Variants in PHLDB3 observed in about 807,000 individuals in gnomAD.
PHLDB3 encodes pleckstrin homology like domain family B member 3, also known as pleckstrin homology-like domain family B member 3.
PHLDB3 carries 86 observed loss-of-function variants against 85.7 expected under a neutral mutation model. The ratio of observed to expected loss-of-function variants is 1.00; its 90% CI spans 0.84 to 1.20. The LOEUF is 1.20. Ranked by LOEUF, PHLDB3 falls within the 50% of genes most tolerant of loss-of-function variation. The probability of loss-of-function intolerance (pLI) is 0.00; values close to 1 mark genes in which losing one functional copy is unlikely to be tolerated. For missense variants in PHLDB3, 995 were observed against 873.0 expected, an observed-to-expected ratio of 1.14 and a Z score of -1.76; for synonymous variants, 376 against 349.8, an observed-to-expected ratio of 1.07 and a Z score of -0.83.
intron 15 of PHLDB3, among the ~76,000 whole-genome samples, chr19:43,476,301 C>G (rs962250980): frequency 6.6e-5 from 10 of 152,266 alleles, no homozygotes; most frequent in Admixed American, 6.5e-4. Context: ...TTTTAGCCCT[C>G]TCAATAACCC....
chr19:43,479,153 T>C (rs1206112642), intron 14 of PHLDB3, among the ~76,000 whole-genome samples: 1 of 151,900 alleles, frequency 6.6e-6, no homozygotes, highest in African/African-American at 2.4e-5. Context: ...GAATTCTGGG[T>C]GGCTTAAAGA....
rs1422538790 is a variant in PHLDB3, at chr19:43,490,216, A to G, written c.1150-3093T>C. Among the ~76,000 whole-genome samples, 4 of 152,028 alleles carry G rather than the reference A, an allele frequency of 2.6e-5. No homozygotes were observed. The East Asian group carries it at 7.7e-4, about 29-fold the overall frequency. On this transcript the variant is annotated intron_variant, in intron 9 of 15. Coordinates refer to ENST00000292140, the MANE Select transcript of PHLDB3 (RefSeq NM_198850.4). ...GGTTGTGTAAGAGAATGGGCTTGAC[A>G]TTAGGTAGTAAATTTAGGAATATTT...
chr19:43,501,470 C>T, intron 4 of PHLDB3: 2 of 587,196 alleles, frequency 3.4e-6, no homozygotes, highest in African/African-American at 1.9e-5. Context: ...CAGGCGTGAG[C>T]CACTGCTTCC....
At chr19:43,478,663 C>G (rs1033066806) in intron 14 of PHLDB3, among the ~76,000 whole-genome samples, 1 of 152,114 alleles carries the variant, frequency 6.6e-6, no homozygotes, top group East Asian at 1.9e-4. Flanking sequence ...AGCCTGTAAT[C>G]CCAGCACTTT....
intron 9 of PHLDB3, among the ~76,000 whole-genome samples, chr19:43,493,431 T>C (rs547510453): frequency 1.3e-5 from 2 of 151,770 alleles, no homozygotes; most frequent in South Asian, 4.2e-4. Context: ...AGCCTAAGGG[T>C]TCAAGACCAG....
At chr19:43,487,316 T>C (rs1052403714) in intron 9 of PHLDB3, among the ~76,000 whole-genome samples, 193 bp from the exon 10 acceptor site, 2 of 152,122 alleles carry the variant, frequency 1.3e-5, no homozygotes, top group African/African-American at 4.8e-5. Context: ...GGCTTATGCC[T>C]GTAATCCCAG....
At chr19:43,494,636 T>C in intron 9 of PHLDB3, 66 bp downstream of exon 9, 3 of 1,310,128 alleles carry the variant, frequency 2.3e-6, no homozygotes, top group Non-Finnish European at 3.2e-6. Context: ...GGGACTCTGC[T>C]GTTAGCCCCT....
chr19:43,494,428 A>G (rs1261679686), intron 9 of PHLDB3, among the ~76,000 whole-genome samples: 2 of 152,044 alleles, frequency 1.3e-5, no homozygotes, highest in African/African-American at 2.4e-5. Flanking sequence ...CCTTATTAAA[A>G]TATGCTGTTT....
At chr19:43,485,502 C>A (rs966504461) in intron 13 of PHLDB3, among the ~76,000 whole-genome samples, 1 of 151,578 alleles carries the variant, frequency 6.6e-6, no homozygotes, top group Non-Finnish European at 1.5e-5. Flanking sequence ...TGAGCCACTG[C>A]GCCCGGCCTA....
chr19:43,496,916 T>A, intron 6 of PHLDB3: 1 of 798,156 alleles, frequency 1.3e-6, no homozygotes, highest in Non-Finnish European at 1.7e-6. Context: ...AAGTTTGTTG[T>A]AAGGATTCAG....
Position 43,479,480 on chromosome 19 carries a change from G to C in PHLDB3, c.1599C>G (p.Cys533Trp). The change falls in exon 14 of 16, where the codon TGC (cysteine) becomes TGG (tryptophan). Residue 533 changes from cysteine to tryptophan, a missense_variant. Transcript: ENST00000292140. ...TCTTCACCAGGGGTCCACGGCAGCA[G>C]CACCCAGACACCTGCACATGTGGGC... ...ENCPHVQVSG[C>W]CCRGPLVKMG... 6.5e-7 allele frequency: 1 copy of C among 1,527,224 alleles called. No individual in the cohort carries two copies. The highest frequency in any genetic ancestry group is 1.4e-5 in the African/African-American group (1 of 72,274). 94.6% of individuals were successfully genotyped at this position (1,527,224 alleles called of 1,614,324 possible).
At chr19:43,495,935 GACA>G in intron 6 of PHLDB3, 1 of 243,604 alleles carries the variant, frequency 4.1e-6, no homozygotes, top group Non-Finnish European at 7.8e-6. Context: ...GACAAGTAGA[GACA>G]ACCCGAGACG....
intron 13 of PHLDB3, 109 bp from the exon 14 acceptor site, chr19:43,479,702 G>A: frequency 1.4e-6 from 1 of 704,074 alleles, no homozygotes; most frequent in Admixed American, 2.4e-5. Context: ...GCCCGCTACA[G>A]CCTTTAGAGG....
chr19:43,495,621 C>G lies in PHLDB3; in HGVS notation c.826-1G>C, dbSNP rs1298277372. On this transcript the variant is annotated splice_acceptor_variant, in intron 6 of 15. Transcript: ENST00000292140. LOFTEE classifies it high-confidence loss of function. ...GGATCCGGTGCTGCAGAGCACCCCT[C>G]TGTCCCGGTTACTCATCTGTCACGG... 10 of 1,606,992 alleles carry G rather than the reference C, an allele frequency of 6.2e-6. No homozygotes were observed. The highest frequency in any genetic ancestry group is 1.3e-5 in the African/African-American group (1 of 74,730).
rs1211883004 is a variant in PHLDB3 at position 43,495,589 on chromosome 19, A to G, written c.857T>C (p.Leu286Pro). Residue 286 changes from leucine (L) to proline (P), a missense_variant, in exon 7 of 16, where the codon CTG becomes CCG. Transcript: ENST00000292140. ...RGALQHRIRV[L>P]EEQLKSLGEQ... ...CCCCAGTGACTTGAGCTGCTCTTCC[A>G]GGACCCGGATCCGGTGCTGCAGAGC... 1 of 1,610,452 alleles carries G rather than the reference A, an allele frequency of 6.2e-7. No homozygotes were observed. The highest frequency in any genetic ancestry group is 1.7e-4 in the Middle Eastern group (1 of 6,060).
Position 43,500,920 on chromosome 19 carries a change from ACCC to A in PHLDB3, c.534+811_534+813del, listed in dbSNP as rs1179130177. 1.5e-3 allele frequency among the ~76,000 whole-genome samples: 30 copies of A among 20,212 alleles called. 4 individuals carry two copies. The highest frequency in any genetic ancestry group is 2.4e-3 in the Non-Finnish European group (23 of 9,510). 13.3% of individuals were successfully genotyped at this position (20,212 alleles called of 152,430 possible). A position where few individuals can be genotyped will look rare whatever the true frequency, so the allele number is the denominator to read the frequency against. On this transcript the variant is annotated intron_variant, in intron 4 of 15. Coordinates refer to ENST00000292140, the MANE Select transcript of PHLDB3 (RefSeq NM_198850.4). ...GCCCCGCCCCCCGTACCCCCCCCCC[ACCC>A]CGCAAGTACTGGGATTACAGGTGTG...
rs1158430083 is a variant in PHLDB3, at chr19:43,495,507, C to T, written c.939G>A (p.Gln313=). Residue 313 remains glutamine, a synonymous_variant, in exon 7 of 16, where the codon CAG becomes CAA. Transcript: ENST00000292140. The part of the protein sequence containing the change: ...GLSRKKEEAL[Q]ALSQERSRLL... ...ACAGGTAGCTCACCTGTGACAGGGCCTGAAGGGCCTCCTCCTTCTTCCGGC... is the reference window on the plus strand; with the variant it reads ...ACAGGTAGCTCACCTGTGACAGGGCTTGAAGGGCCTCCTCCTTCTTCCGGC... 6.2e-7 allele frequency: 1 copy of T among 1,606,024 alleles called. No individual in the cohort carries two copies. The highest frequency in any genetic ancestry group is 1.7e-5 in the Admixed American group (1 of 58,788).
intron 13 of PHLDB3, among the ~76,000 whole-genome samples, chr19:43,482,570 G>C (rs1167675397): frequency 6.6e-6 from 1 of 152,098 alleles, no homozygotes; most frequent in South Asian, 2.1e-4. Flanking sequence ...ACAGAGTCTC[G>C]CTCTGTCACC....
chr19:43,478,631 G>C (rs1281966401), intron 14 of PHLDB3, among the ~76,000 whole-genome samples: 1 of 152,158 alleles, frequency 6.6e-6, no homozygotes, highest in African/African-American at 2.4e-5. Context: ...AAGCGTCCAA[G>C]GAGGCTGGGT....
Sources: allele counts gnomAD v4.1 joint callset (sites outside exome capture counted in the v4.1 genomes callset), GRCh38; gene constraint gnomAD v4.1.1; transcripts MANE v1.5; gene names NCBI Gene and HGNC (gene_info 2026-07-23, HGNC 2026-07-21).